MRC2: variants seen among roughly 807,000 people sequenced by gnomAD.
MRC2 encodes C-type mannose receptor 2.
In MRC2, 84 loss-of-function variants were observed where a neutral mutation model predicts 206.2. That is an observed-to-expected ratio of 0.41 (90% CI 0.34 to 0.49). The LOEUF (loss-of-function observed/expected upper bound fraction) is 0.49. Among genes scored for constraint, MRC2 ranks in the 20% least tolerant of loss-of-function variants. MRC2 has a pLI of 0.31. For missense variants in MRC2, 1,676 were observed against 2,001.5 expected (o/e 0.84, Z 3.10); for synonymous variants, 798 against 800.0 (o/e 1.00, Z 0.04).
At chr17:62,687,831 C>T (rs2089050684) in intron 20 of MRC2, among the ~76,000 whole-genome samples, 1 of 151,214 alleles carries the variant, frequency 6.6e-6, no homozygotes, top group Non-Finnish European at 1.5e-5. Flanking sequence ...TGCAGTGAGC[C>T]GAGATGGCGC....
At chr17:62,674,490 C>A (rs1054934261) in intron 9 of MRC2, among the ~76,000 whole-genome samples, 2 of 152,112 alleles carry the variant, frequency 1.3e-5, no homozygotes. Context: ...CCCTCAGAGT[C>A]CAGCCTAGTC....
chr17:62,641,895 C>CTGTGTGTGTGTG lies in MRC2; in HGVS notation c.118+13988_118+13999dup, dbSNP rs4058579. On this transcript the variant is annotated intron_variant, in intron 1 of 29. Transcript: ENST00000303375. ...TTGCCACATTTGCTTATCTCACTCT[C>CTGTGTGTGTGTG]TGTGTGTGTGTGTGTGTGTGTGTGG... is the stretch of plus-strand genomic sequence containing the variant. 3.5e-3 allele frequency among the ~76,000 whole-genome samples: 530 copies of CTGTGTGTGTGTG among 150,068 alleles called. 4 individuals carry two copies. The highest frequency in any genetic ancestry group is 0.012 in the African/African-American group (480 of 40,914).
intron 20 of MRC2, among the ~76,000 whole-genome samples, chr17:62,686,752 G>A (rs1185213994): frequency 2.6e-5 from 4 of 152,182 alleles, no homozygotes; most frequent in African/African-American, 4.8e-5. Flanking sequence ...GTACTGGTGT[G>A]ACCTTGCTGC....
rs2084181298 is a variant in MRC2 at position 62,627,883 on chromosome 17, C to T, written c.81C>T (p.Leu27=). ...TCCTGCTCCTCGGGTGCCTGCACCT[C>T]GGCCGTCCCGGCGCCCCTGGGGACG... ...RCVLLLGCLH[L]GRPGAPGDAA... is the part of the protein sequence containing the mutation. The change falls in exon 1 of 30, where the codon CTC becomes CTT. Residue 27 remains leucine (L), a synonymous_variant. Coordinates refer to ENST00000303375, the MANE Select transcript of MRC2 (RefSeq NM_006039.5). The T allele has an allele frequency of 3.4e-6, 5 of 1,472,970 alleles. No homozygotes were observed. Among genetic ancestry groups the T allele is most frequent in the Non-Finnish European group, 4.5e-6 (5 of 1,118,740 alleles). The allele number at this position is 1,472,970 out of a possible 1,614,324, so 91.2% of individuals were successfully genotyped here.
Position 62,677,303 on chromosome 17 carries a change from T to A in MRC2, c.1869T>A (p.Thr623=). The A allele has an allele frequency of 6.2e-7, 1 of 1,605,858 alleles. No individual in the cohort carries two copies. Among genetic ancestry groups the A allele is most frequent in the Non-Finnish European group, 8.5e-7 (1 of 1,176,840 alleles). The change falls in exon 12 of 30, where the codon ACT becomes ACA. Residue 623 remains threonine (T), a synonymous_variant. Transcript: ENST00000303375. ...YSRGGCVALA[T]GSAMGLWEVK... ...GTGGGGGCTGCGTGGCGCTGGCCACTGGCAGCGCCATGGGGCTGTGGGAGG... is the reference window on the plus strand; with the variant it reads ...GTGGGGGCTGCGTGGCGCTGGCCACAGGCAGCGCCATGGGGCTGTGGGAGG...
At chr17:62,689,829 C>A in intron 24 of MRC2, 65 bp from the exon 25 acceptor site, 1 of 1,543,026 alleles carries the variant, frequency 6.5e-7, no homozygotes, top group East Asian at 2.4e-5. Flanking sequence ...CCTTCCTGCC[C>A]CCGCCTTATC....
At chr17:62,690,892 C>A in intron 27 of MRC2, 57 bp from the exon 28 acceptor site, 1 of 1,508,768 alleles carries the variant, frequency 6.6e-7, no homozygotes, top group Non-Finnish European at 8.9e-7. Context: ...ACCTGCTCTC[C>A]TCCACCTACT....
At chr17:62,639,703 C>A (rs1022425786) in intron 1 of MRC2, among the ~76,000 whole-genome samples, 3 of 152,198 alleles carry the variant, frequency 2.0e-5, no homozygotes, top group African/African-American at 4.8e-5. Flanking sequence ...TAGTTCACTA[C>A]AGCCTCAAAC....
intron 1 of MRC2, among the ~76,000 whole-genome samples, chr17:62,640,760 C>T (rs2088391950): frequency 6.6e-6 from 1 of 151,770 alleles, no homozygotes; most frequent in East Asian, 1.9e-4. Context: ...TCTCGGCTCA[C>T]TGCAAGCTCT....
rs1598993225 is a variant in MRC2, at chr17:62,680,687, G to T, written c.2474-113G>T. The T allele has an allele frequency of 7.4e-7, 1 of 1,344,872 alleles. No individual in the cohort carries two copies. Among genetic ancestry groups the T allele is most frequent in the South Asian group, 1.6e-5 (1 of 62,026 alleles). The allele number at this position is 1,344,872 out of a possible 1,614,324, so 83.3% of individuals were successfully genotyped here. A position where few individuals can be genotyped will look rare whatever the true frequency, so the allele number is the denominator to read the frequency against. On this transcript the variant is annotated intron_variant, in intron 16 of 29. Transcript: ENST00000303375. The surrounding 1 kb of genome is among the most constrained non-coding windows in gnomAD (Gnocchi z 4.8). The stretch of plus-strand genomic sequence containing the variant: ...GTGCCTGCCTGGGTCCGGTGTGCCT[G>T]CAGGCTCGCCTGCTGCCGCCTGGCT...
chr17:62,637,994 A>T (rs2088346666), intron 1 of MRC2, among the ~76,000 whole-genome samples: 1 of 152,012 alleles, frequency 6.6e-6, no homozygotes, highest in Admixed American at 6.6e-5. Flanking sequence ...CTTCCCAAGT[A>T]GCTGGACGAC....
rs372971962 is a variant in MRC2, at chr17:62,652,209, G to C, written c.119-12339G>C. 6.6e-6 allele frequency among the ~76,000 whole-genome samples: 1 copy of C among 152,194 alleles called. No individual in the cohort carries two copies. Among genetic ancestry groups the C allele is most frequent in the Non-Finnish European group, 1.5e-5 (1 of 68,046 alleles). ...TATGGATGTCTCCTAATAAAGTCAC[G>C]CAGTCACTCACTGGTTCGTCCTCAA... is the stretch of plus-strand genomic sequence containing the variant. On this transcript the variant is annotated intron_variant, in intron 1 of 29. Transcript: ENST00000303375. This position sits in a 1 kb window ranked among gnomAD's most constrained non-coding sequence, Gnocchi z 4.6.
Position 62,664,964 on chromosome 17 carries a change from G to A in MRC2, c.520+15G>A, listed in dbSNP as rs552896047. 5 of 1,584,148 alleles carry A rather than the reference G, an allele frequency of 3.2e-6. No individual in the cohort carries two copies. In the African/African-American group the frequency reaches 6.7e-5, roughly 21 times the overall value. ...GCCCTACCACGGTGAGGGGCCGCTT[G>A]CAGGCGGGAGGGTGGGGTCCCCGAT... On this transcript the variant is annotated intron_variant, in intron 2 of 29. Coordinates refer to ENST00000303375, the MANE Select transcript of MRC2 (RefSeq NM_006039.5). This position sits in a 1 kb window ranked among gnomAD's most constrained non-coding sequence, Gnocchi z 4.7.
intron 1 of MRC2, among the ~76,000 whole-genome samples, chr17:62,654,665 A>T (rs926166160): frequency 6.6e-6 from 1 of 152,126 alleles, no homozygotes; most frequent in African/African-American, 2.4e-5. Context: ...TCACCAAAGC[A>T]TTGTGTGCCT....
chr17:62,673,667 AC>A (rs2088854612), intron 8 of MRC2, among the ~76,000 whole-genome samples: 1 of 151,636 alleles, frequency 6.6e-6, no homozygotes, highest in Non-Finnish European at 1.5e-5. Context: ...CACCACCACA[AC>A]CGGCTAACTT....
In MRC2 at chr17:62,671,801, G is replaced by A; in HGVS notation, c.1270G>A (p.Ala424Thr). Residue 424 changes from alanine to threonine, a missense_variant, in exon 7 of 30, where the codon GCG becomes ACG. Physicochemically the swap from Ala to Thr is moderately conservative, Grantham distance 58 (BLOSUM62 0). Around this residue, in one of 3 missense-constraint regions of MRC2, gnomAD observed 1,354 missense variants for 1,636.6 expected, o/e 0.83. Coordinates refer to ENST00000303375, the MANE Select transcript of MRC2 (RefSeq NM_006039.5). The surrounding 1 kb of genome is among the most constrained non-coding windows in gnomAD (Gnocchi z 4.5). ...GGDLVSIHSM[A>T]ELEFITKQIK... The stretch of plus-strand genomic sequence containing the variant: ...CGACCTGGTCAGCATCCACAGCATG[G>A]CGGAGCTGGAATTCATCACCAAGCA... 1 of 1,607,666 alleles carries A rather than the reference G, an allele frequency of 6.2e-7. No homozygotes were observed. Among genetic ancestry groups the A allele is most frequent in the South Asian group, 1.1e-5 (1 of 90,508 alleles).
At chr17:62,644,557 T>G (rs1287001554) in intron 1 of MRC2, among the ~76,000 whole-genome samples, 1 of 152,040 alleles carries the variant, frequency 6.6e-6, no homozygotes, top group East Asian at 1.9e-4. Context: ...AAATAAGAAA[T>G]AAACATGTTC....
At position 62,674,081 on chromosome 17, in the gene MRC2, A is replaced by G. The variant is rs1287173141; in HGVS notation, c.1480A>G (p.Ser494Gly). 7 of 1,552,860 alleles carry G rather than the reference A, an allele frequency of 4.5e-6. No individual in the cohort carries two copies. In the East Asian group the frequency reaches 1.5e-4, roughly 32 times the overall value. ...IWGPEGRWND[S>G]PCNQSLPSIC... is the part of the protein sequence containing the mutation. ...TCCGTAGGAAGGCCGCTGGAACGAC[A>G]GTCCCTGTAACCAGTCCTTGCCATC... Residue 494 changes from serine (S) to glycine (G), a missense_variant, in exon 9 of 30, where the codon AGT becomes GGT. Transcript: ENST00000303375.
rs1286805714 is a variant in MRC2, at chr17:62,680,012, G to A, written c.2298+110G>A. On this transcript the variant is annotated intron_variant, in intron 14 of 29. Coordinates refer to ENST00000303375, the MANE Select transcript of MRC2 (RefSeq NM_006039.5). This position sits in a 1 kb window ranked among gnomAD's most constrained non-coding sequence, Gnocchi z 4.8. Reference sequence around the variant, plus strand: ...GGTTTTCTTGAGGGCCGGGCCCCCAGTCGGAGCCGGCTTCAGGAAAGCAGG... The same window carrying A: ...GGTTTTCTTGAGGGCCGGGCCCCCAATCGGAGCCGGCTTCAGGAAAGCAGG... The A allele has an allele frequency of 1.4e-6, 2 of 1,466,794 alleles. No homozygotes were observed. Among genetic ancestry groups the A allele is most frequent in the Non-Finnish European group, 1.8e-6 (2 of 1,085,730 alleles). The allele number at this position is 1,466,794 out of a possible 1,614,324, so 90.9% of individuals were successfully genotyped here.
Sources: gnomAD v4.1 joint callset for allele counts (sites outside exome capture counted in the v4.1 genomes callset) on GRCh38, gnomAD v4.1.1 for gene constraint, gnomAD v4.1.1 regional missense constraint, Gnocchi (gnomAD v3.1) non-coding constraint, MANE v1.5 for transcripts, NCBI Gene and HGNC (gene_info 2026-07-23, HGNC 2026-07-21) for gene names.